The following DCC variants were observed in gnomAD, a reference collection of about 807,000 sequenced individuals.
DCC encodes the protein DCC netrin 1 receptor.
A neutral mutation model predicts 172.5 loss-of-function variants in DCC; 58 were observed. That is an observed-to-expected ratio of 0.34 (90% CI 0.27 to 0.42). The LOEUF (loss-of-function observed/expected upper bound fraction) is 0.42, where lower values mean the gene tolerates loss of function less well. Ranked by LOEUF, DCC falls within the 10% of genes least tolerant of loss-of-function variation. The pLI is 1.00. For missense variants in DCC, 1,740 were observed against 1,791.0 expected, an observed-to-expected ratio of 0.97 and a Z score of 0.51; for synonymous variants, 709 against 644.5, an observed-to-expected ratio of 1.10 and a Z score of -1.52.
chr18:53,125,199 A>G (rs879595464), intron 7 of DCC, among the ~76,000 whole-genome samples: 8 of 152,044 alleles, frequency 5.3e-5, no homozygotes, highest in Admixed American at 1.3e-4. Context: ...TCTACCAAAG[A>G]CGTATGGATT....
chr18:52,464,273 G>A (rs928345512), intron 1 of DCC, among the ~76,000 whole-genome samples: 1 of 152,156 alleles, frequency 6.6e-6, no homozygotes, highest in Non-Finnish European at 1.5e-5. Flanking sequence ...GAAAGTATCA[G>A]TGGGTAATTT....
chr18:52,808,931 T>G (rs2145243954), intron 2 of DCC, among the ~76,000 whole-genome samples: 1 of 152,326 alleles, frequency 6.6e-6, no homozygotes, highest in African/African-American at 2.4e-5. Context: ...AAACTGTAAA[T>G]TTTTGGCATG....
At chr18:52,436,127 C>T (rs1365629722) in intron 1 of DCC, among the ~76,000 whole-genome samples, 4 of 152,186 alleles carry the variant, frequency 2.6e-5, no homozygotes, top group Non-Finnish European at 2.9e-5. Context: ...GGGCTAGACC[C>T]GAAAAGAGAA....
At chr18:52,791,479 T>TTG (rs1270659574) in intron 2 of DCC, among the ~76,000 whole-genome samples, 101 of 139,352 alleles carry the variant, frequency 7.2e-4, no homozygotes, top group African/African-American at 2.4e-3. Context: ...TTTGTTTTTT[T>TTG]TTTGTTTTTT....
intron 1 of DCC, among the ~76,000 whole-genome samples, chr18:52,406,411 G>T (rs538543585): frequency 8.6e-5 from 13 of 151,906 alleles, no homozygotes; most frequent in Admixed American, 1.3e-4. Flanking sequence ...GAAAATTTTC[G>T]CAACCTACTC....
intron 1 of DCC, among the ~76,000 whole-genome samples, chr18:52,453,291 G>A (rs1352459791): frequency 6.6e-6 from 1 of 152,172 alleles, no homozygotes; most frequent in Non-Finnish European, 1.5e-5. Context: ...TTAAATGTTA[G>A]TACCATACAA....
intron 7 of DCC, among the ~76,000 whole-genome samples, chr18:53,093,038 A>G (rs1313110026): frequency 2.0e-5 from 3 of 152,212 alleles, no homozygotes; most frequent in African/African-American, 7.2e-5. Context: ...TGGGAGGCCA[A>G]GGCAGGCAGA....
chr18:53,178,722 A>G (rs1014760894), intron 8 of DCC, among the ~76,000 whole-genome samples: 1 of 152,158 alleles, frequency 6.6e-6, no homozygotes, highest in African/African-American at 2.4e-5. Flanking sequence ...TTCGTTTGCA[A>G]GTTTCATGGA....
At chr18:52,832,914 ATT>A (rs901042730) in intron 2 of DCC, among the ~76,000 whole-genome samples, 1 of 151,640 alleles carries the variant, frequency 6.6e-6, no homozygotes, top group Admixed American at 6.6e-5. Context: ...ACATTACTAA[ATT>A]TTTTTTTCCA....
intron 7 of DCC, among the ~76,000 whole-genome samples, chr18:53,150,400 G>A (rs1307379444): frequency 6.6e-6 from 1 of 152,184 alleles, no homozygotes; most frequent in African/African-American, 2.4e-5. Flanking sequence ...GCTGGACCCT[G>A]CAATAATTTA....
chr18:53,468,742 C>G (rs993040792), intron 25 of DCC, among the ~76,000 whole-genome samples: 1 of 152,130 alleles, frequency 6.6e-6, no homozygotes, highest in East Asian at 1.9e-4. Context: ...AATAATCTAG[C>G]TCCTTTAAAG....
chr18:52,795,427 T>C (rs1424248203), intron 2 of DCC, among the ~76,000 whole-genome samples: 1 of 152,058 alleles, frequency 6.6e-6, no homozygotes, highest in African/African-American at 2.4e-5. Flanking sequence ...TAGTCTCTAA[T>C]GATCCTTTCT....
At chr18:53,200,802 A>G (rs2055525589) in intron 9 of DCC, among the ~76,000 whole-genome samples, 1 of 152,134 alleles carries the variant, frequency 6.6e-6, no homozygotes, top group South Asian at 2.1e-4. Context: ...GACCATACAC[A>G]GCCCCTACAT....
chr18:52,817,768 T>C (rs564900255), intron 2 of DCC, among the ~76,000 whole-genome samples: 322 of 152,020 alleles, frequency 2.1e-3, no homozygotes, highest in Non-Finnish European at 3.2e-3. Context: ...TTAGGAAAAC[T>C]CCCAATCTGA....
At position 53,239,109 on chromosome 18, in the gene DCC, G is replaced by A. The variant is rs2056248514; in HGVS notation, c.1911+23512G>A. ...ACCTAATGTAAGTGACGAATTAATG[G>A]GTGCAGCACACCAACATGGCACGTG... On this transcript the variant is annotated intron_variant, in intron 12 of 28. Transcript: ENST00000442544. Among the ~76,000 whole-genome samples, 3 of 150,884 alleles carry A rather than the reference G, an allele frequency of 2.0e-5. No homozygotes were observed. The South Asian group carries it at 6.3e-4, about 32-fold the overall frequency.
chr18:52,787,237 T>C (rs1229641880), intron 2 of DCC, among the ~76,000 whole-genome samples: 1 of 152,146 alleles, frequency 6.6e-6, no homozygotes, highest in Non-Finnish European at 1.5e-5. Context: ...ATTTCAGTTC[T>C]TCATAAGTCC....
intron 1 of DCC, among the ~76,000 whole-genome samples, chr18:52,736,985 A>G (rs1330367115): frequency 6.6e-6 from 1 of 152,170 alleles, no homozygotes; most frequent in Admixed American, 6.5e-5. Context: ...TCAAAATTGT[A>G]TATAAATTTA....
rs147381508 is a variant in DCC at position 52,748,680 on chromosome 18, C to T, written c.92-3374C>T. Among the ~76,000 whole-genome samples, 945 of 152,302 alleles carry T rather than the reference C, an allele frequency of 6.2e-3. 11 individuals are homozygous for T. The highest frequency in any genetic ancestry group is 0.013 in the South Asian group (64 of 4,826). ...TTTGCACCTGATGTTCAATGGGTCC[C>T]AGGTTCTTGTCCTGCATCCAAGAAG... On this transcript the variant is annotated intron_variant, in intron 1 of 28. Transcript: ENST00000442544.
At chr18:52,969,425 T>A (rs1473669449) in intron 5 of DCC, among the ~76,000 whole-genome samples, 1 of 152,128 alleles carries the variant, frequency 6.6e-6, no homozygotes, top group Non-Finnish European at 1.5e-5. Flanking sequence ...TGTCATTCTT[T>A]CCCCTCACTT....
Sources: gnomAD v4.1 joint callset for allele counts (sites outside exome capture counted in the v4.1 genomes callset) on GRCh38, gnomAD v4.1.1 for gene constraint, MANE v1.5 for transcripts, NCBI Gene and HGNC (gene_info 2026-07-23, HGNC 2026-07-21) for gene names.